The following NRXN1 variants were observed in gnomAD, a reference collection of about 807,000 sequenced individuals.
NRXN1 encodes neurexin-1.
In NRXN1, 39 loss-of-function variants were observed where a neutral mutation model predicts 150.9. The ratio of observed to expected loss-of-function variants is 0.26; its 90% confidence interval spans 0.20 to 0.34. NRXN1 has a LOEUF of 0.34. Among genes scored for constraint, NRXN1 ranks in the 10% least tolerant of loss-of-function variants. The pLI is 1.00. For synonymous variants in NRXN1, 924 were observed against 757.0 expected, an observed-to-expected ratio of 1.22 and a Z score of -3.62; for missense variants, 1,815 against 1,949.9, an observed-to-expected ratio of 0.93 and a Z score of 1.30.
intron 18 of NRXN1, among the ~76,000 whole-genome samples, chr2:50,178,244 A>G (rs956725778): frequency 6.6e-6 from 1 of 152,038 alleles, no homozygotes; most frequent in Admixed American, 6.6e-5. Context: ...CAATGCCAGC[A>G]ACAGATTGGC....
chr2:50,624,192 A>T (rs575271900), intron 5 of NRXN1, among the ~76,000 whole-genome samples: 1 of 152,286 alleles, frequency 6.6e-6, no homozygotes, highest in African/African-American at 2.4e-5. Context: ...GCACATATAC[A>T]CCATGGAATA....
At chr2:50,983,132 C>A (rs972983323) in intron 2 of NRXN1, among the ~76,000 whole-genome samples, 11 of 152,090 alleles carry the variant, frequency 7.2e-5, no homozygotes, top group Non-Finnish European at 1.2e-4. Flanking sequence ...AGAAGATTTA[C>A]TAATTATTAG....
intron 17 of NRXN1, among the ~76,000 whole-genome samples, chr2:50,238,375 T>C (rs2065671648): frequency 6.6e-6 from 1 of 152,022 alleles, no homozygotes. Flanking sequence ...GTTTCTCCAG[T>C]TGTCAGTCCC....
intron 5 of NRXN1, among the ~76,000 whole-genome samples, chr2:50,819,301 G>T (rs1304994335): frequency 6.6e-6 from 1 of 152,054 alleles, no homozygotes; most frequent in Non-Finnish European, 1.5e-5. Context: ...ACAGATAAAT[G>T]GAAAAAGAAA....
chr2:50,805,236 T>C (rs1316577571), intron 5 of NRXN1, among the ~76,000 whole-genome samples: 1 of 152,144 alleles, frequency 6.6e-6, no homozygotes, highest in Admixed American at 6.5e-5. Flanking sequence ...AAAAAAAGTA[T>C]TGGGATTTTG....
At chr2:50,292,309 G>A (rs886328639) in intron 17 of NRXN1, among the ~76,000 whole-genome samples, 3 of 152,164 alleles carry the variant, frequency 2.0e-5, no homozygotes, top group African/African-American at 7.2e-5. Context: ...GTCTAGGGCT[G>A]TTTTTGTAGT....
intron 5 of NRXN1, among the ~76,000 whole-genome samples, chr2:50,790,023 C>G (rs1244168581): frequency 6.6e-6 from 1 of 152,076 alleles, no homozygotes; most frequent in Non-Finnish European, 1.5e-5. Context: ...GTGGTGGTGA[C>G]ATGCTGGCCT....
At chr2:50,573,031 T>C (rs993773556) in intron 8 of NRXN1, among the ~76,000 whole-genome samples, 1 of 152,196 alleles carries the variant, frequency 6.6e-6, no homozygotes, top group Admixed American at 6.5e-5. Flanking sequence ...TAATATGCAA[T>C]GTACTTTTAC....
chr2:50,030,282 CT>C (rs1689001669), intron 21 of NRXN1, among the ~76,000 whole-genome samples: 1 of 152,052 alleles, frequency 6.6e-6, no homozygotes, highest in African/African-American at 2.4e-5. Context: ...GTATCTAAAC[CT>C]CCTTAAAAGC....
chr2:50,419,550 C>T (rs1172712548), intron 17 of NRXN1, among the ~76,000 whole-genome samples: 1 of 151,302 alleles, frequency 6.6e-6, no homozygotes, highest in Admixed American at 6.6e-5. Flanking sequence ...GTCCAATTTT[C>T]ATTATTTCTC....
At chr2:50,739,314 T>C (rs749601015) in intron 5 of NRXN1, 1 of 463,226 alleles carries the variant, frequency 2.2e-6, no homozygotes, top group Non-Finnish European at 4.4e-6. Flanking sequence ...ACCTCCATTA[T>C]GCAATGTGAC....
At chr2:50,415,601 G>T (rs901435159) in intron 17 of NRXN1, among the ~76,000 whole-genome samples, 1 of 152,068 alleles carries the variant, frequency 6.6e-6, no homozygotes, top group South Asian at 2.1e-4. Flanking sequence ...CTCACTGGAG[G>T]CATGTGAAAT....
intron 5 of NRXN1, among the ~76,000 whole-genome samples, chr2:50,804,858 C>G (rs1315790737): frequency 6.6e-6 from 1 of 152,152 alleles, no homozygotes; most frequent in Non-Finnish European, 1.5e-5. Context: ...TCCCAATATA[C>G]TTTTATATCA....
At chr2:50,623,757 C>G in intron 5 of NRXN1, 142 bp from the exon 6 acceptor site, 1 of 625,564 alleles carries the variant, frequency 1.6e-6, no homozygotes, top group South Asian at 2.0e-5. Flanking sequence ...CTCAGTCAAA[C>G]AGTACTGTAC....
At chr2:50,068,232 T>C (rs1364250519) in intron 19 of NRXN1, among the ~76,000 whole-genome samples, 2 of 152,308 alleles carry the variant, frequency 1.3e-5, no homozygotes, top group Non-Finnish European at 2.9e-5. Context: ...TAAGATTAAA[T>C]GGTCTGGAAT....
At chr2:50,688,429 T>G (rs1188882940) in intron 5 of NRXN1, among the ~76,000 whole-genome samples, 1 of 152,144 alleles carries the variant, frequency 6.6e-6, no homozygotes. Flanking sequence ...GCATACTCAC[T>G]CTTTTTATGT....
chr2:50,881,820 C>T (rs1328437820), intron 5 of NRXN1, among the ~76,000 whole-genome samples: 1 of 151,678 alleles, frequency 6.6e-6, no homozygotes, highest in Non-Finnish European at 1.5e-5. Context: ...AATTATTATT[C>T]AAATGCTGTA....
intron 17 of NRXN1, among the ~76,000 whole-genome samples, chr2:50,284,819 C>G (rs72874422): frequency 0.24 from 37,022 of 151,982 alleles, 5,299 homozygotes; most frequent in African/African-American, 0.38. Flanking sequence ...TATTCAGTAA[C>G]ACCTTGCTTA....
chr2:50,290,996 T>C (rs932558721), intron 17 of NRXN1, among the ~76,000 whole-genome samples: 6 of 152,144 alleles, frequency 3.9e-5, no homozygotes, highest in African/African-American at 9.7e-5. Flanking sequence ...GGATGTAATG[T>C]AGCCACGTGA....
Sources: gnomAD v4.1 joint callset for allele counts (sites outside exome capture counted in the v4.1 genomes callset) on GRCh38, gnomAD v4.1.1 for gene constraint, MANE v1.5 for transcripts, NCBI Gene and HGNC (gene_info 2026-07-23, HGNC 2026-07-21) for gene names.